CLIP4: variants seen among roughly 807,000 people sequenced by gnomAD.
CLIP4 encodes CAP-Gly domain containing linker protein family member 4, also known as CAP-Gly domain-containing linker protein 4.
A neutral mutation model predicts 73.1 loss-of-function variants in CLIP4; 47 were observed. The ratio of observed to expected loss-of-function variants is 0.64; its 90% CI spans 0.51 to 0.82. The LOEUF is 0.82. Among genes scored for constraint, CLIP4 ranks in the 40% least tolerant of loss-of-function variants. The probability of loss-of-function intolerance (pLI) is 0.00; values close to 1 mark genes in which losing one functional copy is unlikely to be tolerated. For missense variants in CLIP4, 874 were observed against 852.9 expected (o/e 1.02, Z -0.31); for synonymous variants, 306 against 295.4 (o/e 1.04, Z -0.37).
At chr2:29,129,479 C>G (rs1664826837) in intron 2 of CLIP4, among the ~76,000 whole-genome samples, 1 of 151,776 alleles carries the variant, frequency 6.6e-6, no homozygotes, top group Non-Finnish European at 1.5e-5. Context: ...ACACAGAGAT[C>G]TTATAGCTTT....
chr2:29,119,004 C>T (rs1205808422), intron 1 of CLIP4, among the ~76,000 whole-genome samples: 1 of 152,164 alleles, frequency 6.6e-6, no homozygotes, highest in Non-Finnish European at 1.5e-5. Context: ...GGAAATGAAT[C>T]TGAGACTATA....
chr2:29,112,448 T>C (rs1384308355), upstream of CLIP4, among the ~76,000 whole-genome samples: 1 of 152,242 alleles, frequency 6.6e-6, no homozygotes, highest in Non-Finnish European at 1.5e-5. Flanking sequence ...TTTTTGCAAG[T>C]TGTTGGGTTA....
chr2:29,129,514 C>T lies in CLIP4; in HGVS notation c.134-1744C>T, dbSNP rs1218662795. ...TCATTTCCAAATTTTAGCCATGTGT[C>T]AATTAAAATAATACAAAGCTTATTG... On this transcript the variant is annotated intron_variant, in intron 2 of 15. Transcript: ENST00000320081. Among the ~76,000 whole-genome samples, 3 of 151,856 alleles carry T rather than the reference C, an allele frequency of 2.0e-5. No homozygotes were observed. The East Asian group carries it at 5.8e-4, about 29-fold the overall frequency.
At chr2:29,152,853 A>G in intron 9 of CLIP4, 25 bp downstream of exon 9, 2 of 1,607,072 alleles carry the variant, frequency 1.2e-6, no homozygotes, top group Non-Finnish European at 1.7e-6. Flanking sequence ...AAAGTTAACC[A>G]TCTGCTTCAG....
intron 1 of CLIP4, among the ~76,000 whole-genome samples, chr2:29,108,343 A>T (rs1214330829): frequency 1.3e-5 from 2 of 152,212 alleles, no homozygotes; most frequent in Non-Finnish European, 1.5e-5. Context: ...CGATCTGATC[A>T]CCGGGCTGGC....
chr2:29,132,104 G>T (rs771672135), intron 3 of CLIP4, 48 bp from the exon 4 acceptor site: 42 of 1,406,334 alleles, frequency 3.0e-5, no homozygotes, highest in Non-Finnish European at 4.2e-5. Context: ...GAAAGCAATA[G>T]GTACCTCAGT....
chr2:29,121,599 C>T, intron 2 of CLIP4, 78 bp downstream of exon 2: 3 of 1,493,136 alleles, frequency 2.0e-6, no homozygotes, highest in Non-Finnish European at 2.7e-6. Flanking sequence ...CACTCATAGT[C>T]TTTCTTAGAA....
chr2:29,116,116 A>G (rs893087190), intron 1 of CLIP4, among the ~76,000 whole-genome samples: 1 of 152,184 alleles, frequency 6.6e-6, no homozygotes, highest in African/African-American at 2.4e-5. Flanking sequence ...GTGGGTCTTC[A>G]AAGCTAAACC....
At chr2:29,099,983 C>T (rs987521598) in intron 1 of CLIP4, among the ~76,000 whole-genome samples, 3 of 152,058 alleles carry the variant, frequency 2.0e-5, no homozygotes, top group African/African-American at 4.8e-5. Context: ...ATTTCAAATT[C>T]CCATTGTTAA....
chr2:29,154,836 G>T (rs1174237640), intron 9 of CLIP4, among the ~76,000 whole-genome samples: 2 of 152,188 alleles, frequency 1.3e-5, no homozygotes, highest in African/African-American at 4.8e-5. Flanking sequence ...GGCTGCGGAA[G>T]CGGAACCCAC....
chr2:29,163,273 A>AG (rs1667405040), intron 12 of CLIP4, among the ~76,000 whole-genome samples: 1 of 152,052 alleles, frequency 6.6e-6, no homozygotes, highest in South Asian at 2.1e-4. Context: ...TAAAAAAAAA[A>AG]AGATTTTTCT....
chr2:29,146,205 T>A (rs1009835329), intron 8 of CLIP4, among the ~76,000 whole-genome samples: 1 of 152,096 alleles, frequency 6.6e-6, no homozygotes, highest in African/African-American at 2.4e-5. Flanking sequence ...CTGCCAGCAG[T>A]ATAGTGATTG....
At chr2:29,124,594 TTGTCCCATAA>T (rs1257884907) in intron 2 of CLIP4, among the ~76,000 whole-genome samples, 2 of 152,078 alleles carry the variant, frequency 1.3e-5, no homozygotes, top group East Asian at 3.9e-4. Context: ...CTGCTTGAAG[TTGTCCCATAA>T]CTCACTGATT....
chr2:29,127,925 A>G (rs1664716016), intron 2 of CLIP4, among the ~76,000 whole-genome samples: 1 of 152,210 alleles, frequency 6.6e-6, no homozygotes, highest in Non-Finnish European at 1.5e-5. Context: ...TTTGAAGATA[A>G]TAACTGGAAT....
chr2:29,143,690 C>A lies in CLIP4; in HGVS notation c.649-19C>A. 6.5e-7 allele frequency: 1 copy of A among 1,533,912 alleles called. No individual in the cohort carries two copies. The highest frequency in any genetic ancestry group is 9.0e-7 in the Non-Finnish European group (1 of 1,108,702). ...CTCTAAGTAAGAGTTGAACATTTTT[C>A]TCTTATCTTTATTTGTAGAATGACA... On this transcript the variant is annotated intron_variant, in intron 6 of 15. Coordinates refer to ENST00000320081, the MANE Select transcript of CLIP4 (RefSeq NM_024692.6).
intron 4 of CLIP4, among the ~76,000 whole-genome samples, chr2:29,133,393 A>G (rs1167625947): frequency 1.3e-5 from 2 of 152,148 alleles, no homozygotes; most frequent in Admixed American, 1.3e-4. Context: ...AATTTATTTA[A>G]CCAATTTCTT....
At chr2:29,165,747 T>A (rs1325525786) in intron 13 of CLIP4, among the ~76,000 whole-genome samples, 1 of 152,196 alleles carries the variant, frequency 6.6e-6, no homozygotes, top group Non-Finnish European at 1.5e-5. Context: ...AGTACATAGT[T>A]TGGCATATTT....
At chr2:29,174,629 A>G in intron 15 of CLIP4, 184 bp downstream of exon 15, 3 of 1,342,376 alleles carry the variant, frequency 2.2e-6, no homozygotes, top group Non-Finnish European at 2.9e-6. Flanking sequence ...GCAATTAAAA[A>G]TGTCACCAGT....
chr2:29,167,639 A>T, intron 14 of CLIP4, 99 bp downstream of exon 14: 1 of 775,504 alleles, frequency 1.3e-6, no homozygotes, highest in Non-Finnish European at 2.0e-6. Flanking sequence ...GGGTCTATAA[A>T]CTGTATTTGT....
Sources: gnomAD v4.1 joint callset for allele counts (sites outside exome capture counted in the v4.1 genomes callset) on GRCh38, gnomAD v4.1.1 for gene constraint, MANE v1.5 for transcripts, NCBI Gene and HGNC (gene_info 2026-07-23, HGNC 2026-07-21) for gene names.